KCNH1: variants seen among roughly 807,000 people sequenced by gnomAD.
KCNH1 encodes the protein voltage-gated delayed rectifier potassium channel KCNH1.
A neutral mutation model predicts 69.2 loss-of-function variants in KCNH1; 27 were observed. The observed-to-expected ratio is 0.39, with a 90% CI of 0.29 to 0.54. KCNH1 has a LOEUF of 0.54. Ranked by LOEUF, KCNH1 falls within the 20% of genes least tolerant of loss-of-function variation. KCNH1 has a pLI of 0.68. For synonymous variants in KCNH1, 456 were observed against 487.7 expected (o/e 0.93, Z 0.86); for missense variants, 798 against 1,261.6 (o/e 0.63, Z 5.57).
intron 3 of KCNH1, among the ~76,000 whole-genome samples, chr1:211,101,981 C>T (rs1256056053): frequency 1.3e-5 from 2 of 152,174 alleles, no homozygotes; most frequent in Non-Finnish European, 2.9e-5. Flanking sequence ...AAGCCTACCA[C>T]AACCTTCAGG....
chr1:211,032,883 A>T (rs1201854610), intron 5 of KCNH1, among the ~76,000 whole-genome samples: 1 of 152,210 alleles, frequency 6.6e-6, no homozygotes, highest in Non-Finnish European at 1.5e-5. Context: ...ACCAAAAGCA[A>T]TGTCAACAAA....
intron 5 of KCNH1, among the ~76,000 whole-genome samples, chr1:211,064,723 T>G (rs925174935): frequency 6.6e-6 from 1 of 152,084 alleles, no homozygotes. Flanking sequence ...GAAGATCATA[T>G]TTGCAAATCA....
chr1:210,972,314 C>T (rs1017971310), intron 6 of KCNH1, among the ~76,000 whole-genome samples: 3 of 152,120 alleles, frequency 2.0e-5, no homozygotes, highest in Admixed American at 2.0e-4. Flanking sequence ...GACTTGCAGA[C>T]TAGATTGTGC....
intron 7 of KCNH1, among the ~76,000 whole-genome samples, chr1:210,847,189 G>A (rs1452580275): frequency 2.0e-5 from 3 of 152,118 alleles, no homozygotes; most frequent in African/African-American, 7.2e-5. Context: ...TCAGGGATCT[G>A]GAACTAGAAA....
intron 7 of KCNH1, among the ~76,000 whole-genome samples, chr1:210,869,901 T>G (rs1000968799): frequency 2.0e-5 from 3 of 152,122 alleles, no homozygotes; most frequent in Admixed American, 2.0e-4. Flanking sequence ...AGCCTACATA[T>G]AGCAGTCAGC....
intron 7 of KCNH1, among the ~76,000 whole-genome samples, chr1:210,909,049 G>A (rs1434107285): frequency 6.6e-6 from 1 of 152,210 alleles, no homozygotes; most frequent in African/African-American, 2.4e-5. Flanking sequence ...TCTAGCTGAT[G>A]AGAGCTGAAA....
chr1:210,902,345 G>T (rs1255802979), intron 7 of KCNH1, among the ~76,000 whole-genome samples: 1 of 152,222 alleles, frequency 6.6e-6, no homozygotes, highest in Non-Finnish European at 1.5e-5. Flanking sequence ...GCAGGAAAAA[G>T]AGAACAAATT....
At position 210,988,084 on chromosome 1, in the gene KCNH1, G is replaced by T. The variant is rs556492237; in HGVS notation, c.1032+30699C>A. On this transcript the variant is annotated intron_variant, in intron 6 of 10. Transcript: ENST00000271751. ...TGTGGGTGTAGGACCCTCTGAGCCAGGTGCAGGATATAATCTCCTGATGTG... is the reference window on the plus strand; with the variant it reads ...TGTGGGTGTAGGACCCTCTGAGCCATGTGCAGGATATAATCTCCTGATGTG... Among the ~76,000 whole-genome samples, 28 of 152,332 alleles carry T rather than the reference G, an allele frequency of 1.8e-4. No homozygotes were observed. The South Asian group carries it at 4.6e-3, about 25-fold the overall frequency.
At chr1:210,735,818 C>CAG (rs1168083820) in intron 10 of KCNH1, among the ~76,000 whole-genome samples, 32 of 149,928 alleles carry the variant, frequency 2.1e-4, no homozygotes, top group South Asian at 6.4e-4. Context: ...CACACACACA[C>CAG]ACAGAGAGAG....
intron 9 of KCNH1, among the ~76,000 whole-genome samples, chr1:210,784,396 G>C (rs570985229): frequency 2.0e-5 from 3 of 152,222 alleles, no homozygotes; most frequent in African/African-American, 7.2e-5. Flanking sequence ...ATCAAAGACA[G>C]ACAGACACAG....
At position 210,919,326 on chromosome 1, in the gene KCNH1, A is replaced by G; in HGVS notation, c.1462+314T>C. 4.3e-6 allele frequency: 1 copy of G among 234,190 alleles called. No individual in the cohort carries two copies. Among genetic ancestry groups the G allele is most frequent in the Non-Finnish European group, 8.4e-6 (1 of 118,768 alleles). 14.5% of individuals were successfully genotyped at this position (234,190 alleles called of 1,614,324 possible). The stretch of plus-strand genomic sequence containing the variant: ...AGCAAGATCTCATTTTAAGTTTATA[A>G]AAATCTATATGTATTCAGATATGCA... On this transcript the variant is annotated intron_variant, in intron 7 of 10. Transcript: ENST00000271751. The surrounding 1 kb of genome is among the most constrained non-coding windows in gnomAD (Gnocchi z 4.2).
At chr1:211,103,760 C>A (rs1691304928) in intron 2 of KCNH1, among the ~76,000 whole-genome samples, 158 bp from the exon 3 acceptor site, 1 of 152,210 alleles carries the variant, frequency 6.6e-6, no homozygotes. Context: ...TTTACTGATT[C>A]AACTGTGAAT....
At chr1:211,067,684 T>G (rs1231220206) in intron 5 of KCNH1, among the ~76,000 whole-genome samples, 2 of 152,220 alleles carry the variant, frequency 1.3e-5, no homozygotes, top group Non-Finnish European at 2.9e-5. Context: ...GGGGGAGATT[T>G]CAGCATCCCC....
At position 210,920,034 on chromosome 1, in the gene KCNH1, G is replaced by A. The variant is rs909039063; in HGVS notation, c.1068C>T (p.Val356=). The A allele has an allele frequency of 3.7e-6, 6 of 1,614,062 alleles. No homozygotes were observed. Among genetic ancestry groups the A allele is most frequent in the Middle Eastern group, 1.6e-4 (1 of 6,062 alleles). Residue 356 remains valine, a synonymous_variant, in exon 7 of 11, where the codon GTC becomes GTT. Transcript: ENST00000271751. ...ISSLFSSLKV[V]RLLRLGRVAR... ...CCACTCGCCCAAGACGGAGCAGCCG[G>A]ACAACTTTTAGAGAGCTGAACAGGC...
At chr1:210,994,456 A>C (rs1206210637) in intron 6 of KCNH1, among the ~76,000 whole-genome samples, 1 of 152,172 alleles carries the variant, frequency 6.6e-6, no homozygotes, top group Non-Finnish European at 1.5e-5. Flanking sequence ...TTGTGTAAAG[A>C]ATATTGTAGG....
chr1:210,971,787 A>G (rs145141054), intron 6 of KCNH1, among the ~76,000 whole-genome samples: 1 of 152,250 alleles, frequency 6.6e-6, no homozygotes. Flanking sequence ...ATTTTCTGGT[A>G]TACATTGTAT....
intron 5 of KCNH1, among the ~76,000 whole-genome samples, chr1:211,063,889 A>G (rs1460155377): frequency 2.6e-5 from 4 of 152,260 alleles, no homozygotes; most frequent in African/African-American, 9.6e-5. Flanking sequence ...GGATACCCCA[A>G]TTACCCTTAT....
chr1:210,992,535 A>G (rs1480266063), intron 6 of KCNH1, among the ~76,000 whole-genome samples: 1 of 152,224 alleles, frequency 6.6e-6, no homozygotes, highest in Admixed American at 6.5e-5. Context: ...GACACAAAAC[A>G]CATTCATATT....
At chr1:210,855,458 G>T (rs1318138376) in intron 7 of KCNH1, among the ~76,000 whole-genome samples, 1 of 152,200 alleles carries the variant, frequency 6.6e-6, no homozygotes, top group Non-Finnish European at 1.5e-5. Flanking sequence ...TGGCTACAGG[G>T]ACCACCTGAG....
Sources: gnomAD v4.1 joint callset for allele counts (sites outside exome capture counted in the v4.1 genomes callset) on GRCh38, gnomAD v4.1.1 for gene constraint, Gnocchi (gnomAD v3.1) non-coding constraint, MANE v1.5 for transcripts, NCBI Gene and HGNC (gene_info 2026-07-23, HGNC 2026-07-21) for gene names.